EFCAB14: variants seen among roughly 807,000 people sequenced by gnomAD.
EFCAB14 encodes the protein EF-hand calcium binding domain 14, also known as EF-hand calcium-binding domain-containing protein 14.
In EFCAB14, 43 loss-of-function variants were observed where a neutral mutation model predicts 56.5. The ratio of observed to expected loss-of-function variants is 0.76; its 90% CI spans 0.60 to 0.98. EFCAB14 has a LOEUF of 0.98. Among genes scored for constraint, EFCAB14 ranks in the 50% least tolerant of loss-of-function variants. The pLI, the probability that EFCAB14 is intolerant of heterozygous loss-of-function variation, is 0.00. For synonymous variants in EFCAB14, 235 were observed against 212.9 expected, an observed-to-expected ratio of 1.10 and a Z score of -0.90; for missense variants, 538 against 580.3, an observed-to-expected ratio of 0.93 and a Z score of 0.75.
rs533779446 is a variant in EFCAB14, at chr1:46,705,628, C to T, written c.480+2278G>A. Among the ~76,000 whole-genome samples the T allele has an allele frequency of 5.3e-5, 8 of 152,256 alleles. No homozygotes were observed. The South Asian group carries it at 1.7e-3, about 32-fold the overall frequency. On this transcript the variant is annotated intron_variant, in intron 3 of 10. Transcript: ENST00000371933. ...TGAGTAAGCCCTGCGATGGGGGTGG[C>T]GTCCTGTCCAGGGCTGTTTCCTGCT...
intron 1 of EFCAB14, among the ~76,000 whole-genome samples, chr1:46,716,681 A>G (rs1677400792): frequency 6.6e-6 from 1 of 152,220 alleles, no homozygotes; most frequent in Non-Finnish European, 1.5e-5. Flanking sequence ...TGCAGGTAAA[A>G]GGAAGAACCT....
chr1:46,707,314 C>T (rs1366700888), intron 3 of EFCAB14, among the ~76,000 whole-genome samples: 3 of 152,200 alleles, frequency 2.0e-5, no homozygotes, highest in African/African-American at 7.2e-5. Flanking sequence ...ATACAAGATG[C>T]TTGATCAACA....
chr1:46,688,060 A>T (rs1257812159), intron 7 of EFCAB14, among the ~76,000 whole-genome samples: 1 of 152,188 alleles, frequency 6.6e-6, no homozygotes, highest in African/African-American at 2.4e-5. Flanking sequence ...CAGATGGCGC[A>T]CTGGTAACAT....
intron 3 of EFCAB14, among the ~76,000 whole-genome samples, chr1:46,706,025 C>T (rs1677228804): frequency 1.3e-5 from 2 of 151,706 alleles, no homozygotes; most frequent in Admixed American, 6.6e-5. Flanking sequence ...CCACCATGCC[C>T]GGCTAATTAT....
chr1:46,695,407 A>G (rs995512459), intron 4 of EFCAB14, among the ~76,000 whole-genome samples: 3 of 151,990 alleles, frequency 2.0e-5, no homozygotes, highest in African/African-American at 7.3e-5. Context: ...GCCACATTGG[A>G]CAAGTAGCAA....
At chr1:46,692,806 G>T (rs4660955) in intron 4 of EFCAB14, among the ~76,000 whole-genome samples, 10 of 152,164 alleles carry the variant, frequency 6.6e-5, no homozygotes, top group Admixed American at 5.9e-4. Flanking sequence ...TAATTAACAG[G>T]ACTCTTTCTC....
chr1:46,694,794 C>T (rs1677054599), intron 4 of EFCAB14, among the ~76,000 whole-genome samples: 1 of 152,102 alleles, frequency 6.6e-6, no homozygotes, highest in African/African-American at 2.4e-5. Context: ...TTTATTGCGG[C>T]ACTATTCACA....
rs533775741 is a variant in EFCAB14 at position 46,697,512 on chromosome 1, T to C, written c.481-863A>G. ...TCTAAACCGCTTTCCCATTCTAAAT[T>C]CTAGGATGAGAACACAGATCTACCA... On this transcript the variant is annotated intron_variant, in intron 3 of 10. Transcript: ENST00000371933. Among the ~76,000 whole-genome samples, 9 of 152,266 alleles carry C rather than the reference T, an allele frequency of 5.9e-5. No homozygotes were observed. The East Asian group carries it at 1.7e-3, about 29-fold the overall frequency.
intron 3 of EFCAB14, among the ~76,000 whole-genome samples, chr1:46,704,512 G>C (rs1224945753): frequency 7.0e-6 from 1 of 143,866 alleles, no homozygotes; most frequent in East Asian, 2.0e-4. Context: ...CAGAGAGCTT[G>C]TTTGCCCATT....
intron 3 of EFCAB14, among the ~76,000 whole-genome samples, chr1:46,704,710 T>C (rs1677210593): frequency 6.6e-6 from 1 of 152,138 alleles, no homozygotes; most frequent in Non-Finnish European, 1.5e-5. Context: ...CCTAGCTCCA[T>C]AAAAGCAGCT....
intron 3 of EFCAB14, among the ~76,000 whole-genome samples, chr1:46,704,576 C>A (rs922314568): frequency 1.3e-5 from 2 of 151,856 alleles, no homozygotes; most frequent in African/African-American, 4.8e-5. Context: ...AAATAATGAG[C>A]CTCCACCAGA....
intron 4 of EFCAB14, among the ~76,000 whole-genome samples, chr1:46,694,814 A>G (rs1038857181): frequency 2.0e-5 from 3 of 152,186 alleles, no homozygotes; most frequent in African/African-American, 7.2e-5. Flanking sequence ...AATAGCAAAG[A>G]CTTGGAACCA....
At chr1:46,705,278 A>C (rs1351892980) in intron 3 of EFCAB14, among the ~76,000 whole-genome samples, 1 of 152,198 alleles carries the variant, frequency 6.6e-6, no homozygotes, top group Non-Finnish European at 1.5e-5. Flanking sequence ...CTGGCTTCAT[A>C]AGTCAGTCCC....
At chr1:46,695,551 C>T (rs1677067068) in intron 4 of EFCAB14, among the ~76,000 whole-genome samples, 2 of 152,156 alleles carry the variant, frequency 1.3e-5, no homozygotes, top group Non-Finnish European at 2.9e-5. Flanking sequence ...ATAATCTGAC[C>T]AAACTTAGCA....
intron 4 of EFCAB14, 123 bp from the exon 5 acceptor site, chr1:46,692,060 T>A: frequency 1.5e-6 from 1 of 653,558 alleles, no homozygotes; most frequent in Non-Finnish European, 2.5e-6. Flanking sequence ...GTGAAACCAG[T>A]ACTACAATCA....
At chr1:46,684,829 G>A (rs1414428252) in intron 8 of EFCAB14, among the ~76,000 whole-genome samples, 3 of 152,158 alleles carry the variant, frequency 2.0e-5, no homozygotes, top group African/African-American at 7.2e-5. Context: ...TGCTACAGAT[G>A]ATCTGATTCA....
intron 2 of EFCAB14, among the ~76,000 whole-genome samples, chr1:46,713,568 C>T (rs2148851465): frequency 6.6e-6 from 1 of 152,248 alleles, no homozygotes; most frequent in Admixed American, 6.5e-5. Context: ...AAAAGCTCAG[C>T]TAAGCTATAA....
intron 2 of EFCAB14, among the ~76,000 whole-genome samples, chr1:46,708,920 G>T: frequency 6.7e-6 from 1 of 149,372 alleles, no homozygotes; most frequent in South Asian, 2.1e-4. Flanking sequence ...AATAATGGCT[G>T]GTCCTCCAGA....
At chr1:46,686,613 C>T in intron 8 of EFCAB14, 171 bp downstream of exon 8, 1 of 687,990 alleles carries the variant, frequency 1.5e-6, no homozygotes, top group Non-Finnish European at 2.5e-6. Flanking sequence ...AGGGTAGGTG[C>T]CTAAAAAAGT....
Sources: allele counts gnomAD v4.1 joint callset (sites outside exome capture counted in the v4.1 genomes callset), GRCh38; gene constraint gnomAD v4.1.1; transcripts MANE v1.5; gene names NCBI Gene and HGNC (gene_info 2026-07-23, HGNC 2026-07-21).